Variants in CFAP52 observed in about 807,000 individuals in gnomAD.
CFAP52 encodes cilia- and flagella-associated protein 52.
A neutral mutation model predicts 70.5 loss-of-function variants in CFAP52; 57 were observed. The ratio of observed to expected loss-of-function variants is 0.81; its 90% CI spans 0.65 to 1.01. The LOEUF is 1.01. Among genes scored for constraint, CFAP52 ranks in the 50% least tolerant of loss-of-function variants. The pLI is 0.00. For synonymous variants in CFAP52, 267 were observed against 292.5 expected (o/e 0.91, Z 0.89); for missense variants, 785 against 788.5 (o/e 1.00, Z 0.05).
At chr17:9,594,375 C>T in intron 4 of CFAP52, 54 bp downstream of exon 4, 10 of 1,578,470 alleles carry the variant, frequency 6.3e-6, no homozygotes, top group Non-Finnish European at 8.6e-6. Flanking sequence ...TATTTTCTTG[C>T]ACAGAAAACA....
chr17:9,598,198 T>G, intron 4 of CFAP52, 36 bp from the exon 5 acceptor site: 17 of 1,510,626 alleles, frequency 1.1e-5, no homozygotes, highest in African/African-American at 1.4e-5. Context: ...TGGGTGTCCA[T>G]TTGATTGTGG....
Position 9,636,931 on chromosome 17 carries a change from G to A in CFAP52, c.1472+1375G>A, listed in dbSNP as rs527824564. Among the ~76,000 whole-genome samples, 8 of 152,298 alleles carry A rather than the reference G, an allele frequency of 5.3e-5. No homozygotes were observed. The East Asian group carries it at 1.5e-3, about 29-fold the overall frequency. ...GTGGTGGCGCGTGCCTGTTATCCCAGCTACTCAGGAGGCTGAGGCAGGAGA... is the reference window on the plus strand; with the variant it reads ...GTGGTGGCGCGTGCCTGTTATCCCAACTACTCAGGAGGCTGAGGCAGGAGA... On this transcript the variant is annotated intron_variant, in intron 11 of 13. Coordinates refer to ENST00000352665, the MANE Select transcript of CFAP52 (RefSeq NM_145054.5).
rs563768751 is a variant in CFAP52, at chr17:9,624,286, T to C, written c.1026-4386T>C. On this transcript the variant is annotated intron_variant, in intron 8 of 13. Transcript: ENST00000352665. ...TCACCTTTGCTCACTTCTGTTCCCCTGAGATTTGAATTATCTGTGTTTAGT... is the reference window on the plus strand; with the variant it reads ...TCACCTTTGCTCACTTCTGTTCCCCCGAGATTTGAATTATCTGTGTTTAGT... Among the ~76,000 whole-genome samples the C allele has an allele frequency of 2.0e-5, 3 of 152,212 alleles. No homozygotes were observed. The East Asian group carries it at 5.8e-4, about 29-fold the overall frequency.
chr17:9,638,835 C>T (rs1910925495), intron 12 of CFAP52, 124 bp downstream of exon 12: 1 of 861,282 alleles, frequency 1.2e-6, no homozygotes, highest in Admixed American at 2.2e-5. Flanking sequence ...TGTCATCAAT[C>T]AGCCATGCCA....
At chr17:9,586,568 CAAA>C (rs11296135) in intron 2 of CFAP52, 127 bp from the exon 3 acceptor site, 25,514 of 865,666 alleles carry the variant, frequency 0.029, no homozygotes, top group South Asian at 0.047. Flanking sequence ...TCCGTCTCAA[CAAA>C]AAAAAAAAAA....
At chr17:9,642,854 C>G (rs1257539493) in intron 13 of CFAP52, among the ~76,000 whole-genome samples, 169 bp from the exon 14 acceptor site, 1 of 152,100 alleles carries the variant, frequency 6.6e-6, no homozygotes, top group African/African-American at 2.4e-5. Context: ...TGTATTTCCC[C>G]CTCCTCTTCA....
At chr17:9,636,890 CA>C (rs1442809609) in intron 11 of CFAP52, among the ~76,000 whole-genome samples, 1 of 152,092 alleles carries the variant, frequency 6.6e-6, no homozygotes, top group African/African-American at 2.4e-5. Context: ...ACTAAAAATA[CA>C]AAAAGTAGCT....
chr17:9,629,053 G>A (rs1415585618), intron 9 of CFAP52, among the ~76,000 whole-genome samples: 3 of 152,120 alleles, frequency 2.0e-5, no homozygotes, highest in East Asian at 1.9e-4. Flanking sequence ...TGCATATAGC[G>A]TGAATCTTTC....
intron 8 of CFAP52, among the ~76,000 whole-genome samples, chr17:9,627,527 A>C (rs1051514517): frequency 1.3e-5 from 2 of 152,150 alleles, no homozygotes; most frequent in African/African-American, 4.8e-5. Flanking sequence ...TAAATGAATA[A>C]ATAAATAAAT....
intron 3 of CFAP52, among the ~76,000 whole-genome samples, chr17:9,590,828 T>TA (rs150719465): frequency 0.072 from 10,893 of 151,850 alleles, 931 homozygotes; most frequent in East Asian, 0.36. Context: ...CTTGCTGTAC[T>TA]AAAAAAATGC....
intron 6 of CFAP52, 132 bp from the exon 7 acceptor site, chr17:9,607,986 TC>T (rs985419092): frequency 1.1e-5 from 7 of 612,630 alleles, no homozygotes; most frequent in Admixed American, 3.4e-5. Flanking sequence ...TTTCTTTTTT[TC>T]ATTAATATTT....
chr17:9,614,157 C>CTTTTTTTTTTTTTTTTT (rs11347755), intron 8 of CFAP52, among the ~76,000 whole-genome samples: 2 of 93,984 alleles, frequency 2.1e-5, no homozygotes, highest in African/African-American at 3.8e-5. Flanking sequence ...TTCTTTCTTT[C>CTTTTTTTTTTTTTTTTT]TTTTTTTTTT....
At chr17:9,605,957 C>T (rs1909473817) in intron 6 of CFAP52, among the ~76,000 whole-genome samples, 1 of 152,084 alleles carries the variant, frequency 6.6e-6, no homozygotes, top group South Asian at 2.1e-4. Context: ...ATCTACTCTG[C>T]TGGAAGATAT....
chr17:9,578,114 C>T (rs76883105), intron 1 of CFAP52, among the ~76,000 whole-genome samples: 5,601 of 149,448 alleles, frequency 0.037, 351 homozygotes, highest in African/African-American at 0.13. Flanking sequence ...AATAAATAAA[C>T]AAACAAACAT....
At chr17:9,581,600 A>G (rs938858562) in intron 1 of CFAP52, among the ~76,000 whole-genome samples, 1 of 152,070 alleles carries the variant, frequency 6.6e-6, no homozygotes, top group African/African-American at 2.4e-5. Flanking sequence ...GGCGAGAGAG[A>G]GAGAAAATGG....
In CFAP52 at chr17:9,636,178, A is replaced by AAAAAGAAAGAAAG. The variant is rs1266279470; in HGVS notation, c.1472+626_1472+638dup. On this transcript the variant is annotated intron_variant, in intron 11 of 13. Transcript: ENST00000352665. The stretch of plus-strand genomic sequence containing the variant: ...AACAAGAGTGAAACTCTGTCTCAAA[A>AAAAAGAAAGAAAG]AAAAGAAAGAAAGAAAGAAAGAAAG... Among the ~76,000 whole-genome samples, 316 of 116,470 alleles carry AAAAAGAAAGAAAG rather than the reference A, an allele frequency of 2.7e-3. 14 individuals are homozygous for AAAAAGAAAGAAAG. The highest frequency in any genetic ancestry group is 9.0e-3 in the African/African-American group (215 of 23,762). 76.4% of individuals were successfully genotyped at this position (116,470 alleles called of 152,430 possible).
chr17:9,631,974 T>C (rs888398046), intron 9 of CFAP52, among the ~76,000 whole-genome samples: 1 of 152,020 alleles, frequency 6.6e-6, no homozygotes, highest in East Asian at 1.9e-4. Context: ...GGTCTTGCCA[T>C]GTTGACCAGG....
intron 1 of CFAP52, chr17:9,584,332 G>C: frequency 2.3e-6 from 3 of 1,290,494 alleles, no homozygotes; most frequent in Non-Finnish European, 3.0e-6. Flanking sequence ...TGTGGAAAGA[G>C]GTGTCACCAT....
Position 9,586,699 on chromosome 17 carries a change from C to A in CFAP52, c.272C>A (p.Ala91Glu). 6.2e-7 allele frequency: 1 copy of A among 1,609,654 alleles called. No individual in the cohort carries two copies. Among genetic ancestry groups the A allele is most frequent in the South Asian group, 1.1e-5 (1 of 89,914 alleles). Reference sequence around the variant, plus strand: ...CTGACGGTGTGTTCTTGCCCCCAGGCAGACATCATTTTGTGGGATTATAAG... The same window carrying A: ...CTGACGGTGTGTTCTTGCCCCCAGGAAGACATCATTTTGTGGGATTATAAG... ...SGQVTFMGFK[A>E]DIILWDYKNR... is the part of the protein sequence containing the mutation. The change falls in exon 3 of 14, where the codon GCA (alanine) becomes GAA (glutamate). Residue 91 changes from alanine (A) to glutamate (E), a missense_variant and splice_region_variant. Transcript: ENST00000352665.
Sources: gnomAD v4.1 joint callset for allele counts (sites outside exome capture counted in the v4.1 genomes callset) on GRCh38, gnomAD v4.1.1 for gene constraint, MANE v1.5 for transcripts, NCBI Gene and HGNC (gene_info 2026-07-23, HGNC 2026-07-21) for gene names.